Variants in RRP36 observed in about 807,000 individuals in gnomAD.
The protein encoded by RRP36 is ribosomal RNA processing protein 36 homolog.
In RRP36, 44 loss-of-function variants were observed where a neutral mutation model predicts 39.8. That is an observed-to-expected ratio of 1.10 (90% confidence interval 0.87 to 1.42). The LOEUF (loss-of-function observed/expected upper bound fraction) is 1.42. RRP36 is among the 40% of genes most tolerant of loss of function. The pLI, the probability that RRP36 is intolerant of heterozygous loss-of-function variation, is 0.00. For missense variants in RRP36, 316 were observed against 322.4 expected (o/e 0.98, Z 0.15); for synonymous variants, 124 against 123.1 (o/e 1.01, Z -0.05).
chr6:43,028,972 A>G, intron 6 of RRP36, 120 bp from the exon 7 acceptor site: 2 of 1,304,724 alleles, frequency 1.5e-6, no homozygotes, highest in South Asian at 1.4e-5. Context: ...ATAGAGGGGC[A>G]CCAGTGAGCT....
At chr6:43,027,084 GTA>G (rs756574265) in intron 4 of RRP36, 92 bp from the exon 5 acceptor site, 12 of 1,052,328 alleles carry the variant, frequency 1.1e-5, no homozygotes, top group Non-Finnish European at 1.6e-5. Flanking sequence ...GTGTGTGTGT[GTA>G]TGTGTGTGAA....
At chr6:43,022,540 A>T (rs1762740250) in intron 1 of RRP36, among the ~76,000 whole-genome samples, 1 of 151,072 alleles carries the variant, frequency 6.6e-6, no homozygotes, top group Non-Finnish European at 1.5e-5. Flanking sequence ...CAGCCTTTCG[A>T]GTAGCTGGGA....
At position 43,025,137 on chromosome 6, in the gene RRP36, G is replaced by C. The variant is rs987649569; in HGVS notation, c.278+5G>C. On this transcript the variant is annotated splice_donor_5th_base_variant and intron_variant, in intron 2 of 6. Coordinates refer to ENST00000244496, the MANE Select transcript of RRP36 (RefSeq NM_033112.4). ...ATGTGTTGCAGATAAGCACAGGTAA[G>C]CAAGGCTTGCCCTAGAAGTTGGAAG... 2.5e-6 allele frequency: 4 copies of C among 1,613,988 alleles called. No homozygotes were observed. The highest frequency in any genetic ancestry group is 2.7e-5 in the African/African-American group (2 of 74,926).
intron 1 of RRP36, among the ~76,000 whole-genome samples, 187 bp downstream of exon 1, chr6:43,021,971 GAA>G (rs1762724173): frequency 6.6e-6 from 1 of 152,236 alleles, no homozygotes; most frequent in East Asian, 1.9e-4. Flanking sequence ...GACATCCTGA[GAA>G]GTTTCTTCAC....
Position 43,026,033 on chromosome 6 carries a change from A to G in RRP36, c.346-4A>G. On this transcript the variant is annotated splice_polypyrimidine_tract_variant and splice_region_variant and intron_variant, in intron 3 of 6. Transcript: ENST00000244496. ...GTTTTATATTCTCTCTCTTCTCTCC[A>G]AAGGTAGCCCGGGACCCTCGCTTTG... is the stretch of plus-strand genomic sequence containing the variant. 6.2e-7 allele frequency: 1 copy of G among 1,608,978 alleles called. No homozygotes were observed. Among genetic ancestry groups the G allele is most frequent in the Non-Finnish European group, 8.5e-7 (1 of 1,175,584 alleles).
Position 43,025,317 on chromosome 6 carries a change from C to G in RRP36, c.333C>G (p.Pro111=). ...IRVPFLRQVV[P]ISKKVARDPR... is the part of the protein sequence containing the mutation. ...TACCATTTTTACGTCAGGTTGTTCC[C>G]ATTAGTAAAAAGGTAAGGAAGAAGG... Residue 111 remains proline (P), a synonymous_variant, in exon 3 of 7, where the codon CCC becomes CCG. Transcript: ENST00000244496. The G allele has an allele frequency of 6.2e-7, 1 of 1,613,578 alleles. No individual in the cohort carries two copies. Among genetic ancestry groups the G allele is most frequent in the Non-Finnish European group, 8.5e-7 (1 of 1,180,012 alleles).
At chr6:43,025,961 A>C in intron 3 of RRP36, 76 bp from the exon 4 acceptor site, 4 of 1,083,426 alleles carry the variant, frequency 3.7e-6, no homozygotes, top group Non-Finnish European at 5.5e-6. Flanking sequence ...AAGATGAGGA[A>C]GAGACAGGAA....
At chr6:43,023,521 C>T (rs1259522091) in intron 1 of RRP36, among the ~76,000 whole-genome samples, 1 of 151,892 alleles carries the variant, frequency 6.6e-6, no homozygotes, top group Non-Finnish European at 1.5e-5. Flanking sequence ...TGGTGAAACT[C>T]GTCCTTATTA....
intron 2 of RRP36, 64 bp from the exon 3 acceptor site, chr6:43,025,199 G>T: frequency 6.2e-7 from 1 of 1,612,284 alleles, no homozygotes; most frequent in Non-Finnish European, 8.5e-7. Context: ...TGTCTTGGGT[G>T]ACAGGTGGGA....
intron 4 of RRP36, 177 bp from the exon 5 acceptor site, chr6:43,027,001 G>A: frequency 1.9e-6 from 1 of 537,546 alleles, no homozygotes; most frequent in Non-Finnish European, 3.3e-6. Flanking sequence ...AGGAGGCGGA[G>A]GTTGCAGTGA....
rs1198905126 is a variant in RRP36, at chr6:43,029,302, G to A, written c.*74G>A. 12 of 1,569,938 alleles carry A rather than the reference G, an allele frequency of 7.6e-6. No individual in the cohort carries two copies. Among genetic ancestry groups the A allele is most frequent in the Non-Finnish European group, 9.6e-6 (11 of 1,149,000 alleles). ...GTGAGGACAGATTTGGCCACGGCTG[G>A]TTTCCGTTCAAGGGCAAGGATCACA... On this transcript the variant is annotated 3_prime_UTR_variant, in exon 7 of 7. Coordinates refer to ENST00000244496, the MANE Select transcript of RRP36 (RefSeq NM_033112.4).
chr6:43,022,878 G>A (rs568405396), intron 1 of RRP36, among the ~76,000 whole-genome samples: 15 of 151,932 alleles, frequency 9.9e-5, no homozygotes, highest in Non-Finnish European at 1.8e-4. Flanking sequence ...TGATCCGCCC[G>A]CCTCGGCCTC....
intron 1 of RRP36, among the ~76,000 whole-genome samples, chr6:43,022,583 GTTTGTTTA>G (rs1249713762): frequency 3.0e-4 from 25 of 83,130 alleles, no homozygotes; most frequent in African/African-American, 2.9e-3. Context: ...GCACGGATGG[GTTTGTTTA>G]TTTATTTATT....
intron 3 of RRP36, among the ~76,000 whole-genome samples, chr6:43,025,585 T>C (rs1389154970): frequency 7.4e-6 from 1 of 134,334 alleles, no homozygotes; most frequent in Non-Finnish European, 1.5e-5. Context: ...ATCATGCCAC[T>C]GCCCTACAGC....
chr6:43,028,193 T>G (rs1053743725), intron 6 of RRP36, among the ~76,000 whole-genome samples: 1 of 151,348 alleles, frequency 6.6e-6, no homozygotes, highest in Non-Finnish European at 1.5e-5. Context: ...TAGCCGGGCC[T>G]GGTGGCGTGC....
At chr6:43,024,658 T>G (rs187219795) in intron 1 of RRP36, among the ~76,000 whole-genome samples, 11 of 152,244 alleles carry the variant, frequency 7.2e-5, no homozygotes, top group Admixed American at 3.3e-4. Flanking sequence ...CAATGGTAAC[T>G]GAGCAAGGGA....
intron 2 of RRP36, 65 bp downstream of exon 2, chr6:43,025,197 G>C: frequency 1.2e-6 from 2 of 1,612,378 alleles, no homozygotes; most frequent in East Asian, 4.5e-5. Flanking sequence ...GTTGTCTTGG[G>C]TGACAGGTGG....
intron 3 of RRP36, 29 bp downstream of exon 3, chr6:43,025,358 C>G: frequency 6.2e-7 from 1 of 1,607,804 alleles, no homozygotes; most frequent in Non-Finnish European, 8.5e-7. Context: ...CACTGTGGCT[C>G]ACGCCTGTAA....
chr6:43,028,791 A>G (rs1581888853), intron 6 of RRP36, among the ~76,000 whole-genome samples: 1 of 151,932 alleles, frequency 6.6e-6, no homozygotes, highest in East Asian at 1.9e-4. Context: ...TTTCTACTAA[A>G]AATACAAAAA....
Sources: gnomAD v4.1 joint callset for allele counts (sites outside exome capture counted in the v4.1 genomes callset) on GRCh38, gnomAD v4.1.1 for gene constraint, MANE v1.5 for transcripts, NCBI Gene and HGNC (gene_info 2026-07-23, HGNC 2026-07-21) for gene names.